The following CDKAL1 variants were observed in gnomAD, a reference collection of about 807,000 sequenced individuals.
CDKAL1 encodes the protein CDKAL1 threonylcarbamoyladenosine tRNA methylthiotransferase, also known as threonylcarbamoyladenosine tRNA methylthiotransferase.
CDKAL1 carries 32 observed loss-of-function variants against 68.2 expected under a neutral mutation model. The ratio of observed to expected loss-of-function variants is 0.47; its 90% confidence interval spans 0.35 to 0.63. The LOEUF is 0.63. Ranked by LOEUF, CDKAL1 falls within the 30% of genes least tolerant of loss-of-function variation. CDKAL1 has a pLI of 0.00. For missense variants in CDKAL1, 606 were observed against 696.7 expected, an observed-to-expected ratio of 0.87 and a Z score of 1.47; for synonymous variants, 234 against 244.3, an observed-to-expected ratio of 0.96 and a Z score of 0.39.
chr6:20,931,373 C>T (rs984839615), intron 9 of CDKAL1, among the ~76,000 whole-genome samples: 1 of 152,146 alleles, frequency 6.6e-6, no homozygotes, highest in Non-Finnish European at 1.5e-5. Context: ...TCCAGTGTCA[C>T]CATACAATTT....
chr6:21,153,731 A>C (rs1404966230), intron 13 of CDKAL1, among the ~76,000 whole-genome samples: 6 of 152,216 alleles, frequency 3.9e-5, no homozygotes, highest in Admixed American at 3.9e-4. Flanking sequence ...AAGGGTAATA[A>C]AAGAGAGGGA....
intron 13 of CDKAL1, among the ~76,000 whole-genome samples, chr6:21,145,415 T>G (rs1180995028): frequency 6.6e-6 from 1 of 152,160 alleles, no homozygotes; most frequent in Admixed American, 6.6e-5. Context: ...GTGAAACTGG[T>G]TAGCAACATC....
intron 11 of CDKAL1, among the ~76,000 whole-genome samples, chr6:21,015,397 C>A (rs1582032008): frequency 6.6e-6 from 1 of 152,136 alleles, no homozygotes; most frequent in Admixed American, 6.5e-5. Context: ...CAAGCATCGA[C>A]TTTTTTATAG....
chr6:21,163,868 T>C (rs1777029761), intron 13 of CDKAL1, among the ~76,000 whole-genome samples: 1 of 152,096 alleles, frequency 6.6e-6, no homozygotes, highest in South Asian at 2.1e-4. Flanking sequence ...GGAGAATCCC[T>C]TGAACCTGGG....
intron 15 of CDKAL1, among the ~76,000 whole-genome samples, chr6:21,218,281 T>TATGAA (rs1411243384): frequency 6.6e-6 from 1 of 152,238 alleles, no homozygotes; most frequent in Non-Finnish European, 1.5e-5. Context: ...ATGCCTCTGT[T>TATGAA]ATGAATCAGA....
At chr6:21,106,175 T>C (rs1773834737) in intron 12 of CDKAL1, among the ~76,000 whole-genome samples, 1 of 152,190 alleles carries the variant, frequency 6.6e-6, no homozygotes, top group Non-Finnish European at 1.5e-5. Context: ...GCAAAGAATA[T>C]GATTATATTA....
At position 20,875,257 on chromosome 6, in the gene CDKAL1, C is replaced by A. The variant is rs1023359652; in HGVS notation, c.742+29079C>A. ...GAGCTTGCAGTGAGCCGAGATTGCG[C>A]CACTGCAGTCCGCAGTCCGGCCTGG... On this transcript the variant is annotated intron_variant, in intron 9 of 15. Transcript: ENST00000274695. 2.1e-5 allele frequency among the ~76,000 whole-genome samples: 3 copies of A among 144,820 alleles called. No individual in the cohort carries two copies. The East Asian group carries it at 6.3e-4, about 30-fold the overall frequency.
intron 12 of CDKAL1, among the ~76,000 whole-genome samples, chr6:21,094,520 T>C (rs1230279297): frequency 6.6e-6 from 1 of 152,152 alleles, no homozygotes; most frequent in African/African-American, 2.4e-5. Context: ...CTCTCCAAGA[T>C]AGAATCTTAT....
intron 13 of CDKAL1, among the ~76,000 whole-genome samples, chr6:21,196,285 C>A (rs1206275556): frequency 6.6e-6 from 1 of 152,218 alleles, no homozygotes; most frequent in Non-Finnish European, 1.5e-5. Context: ...GCAACTCACA[C>A]TGTGAAATGT....
chr6:20,603,621 C>T (rs935345789), intron 4 of CDKAL1, among the ~76,000 whole-genome samples: 15 of 152,074 alleles, frequency 9.9e-5, no homozygotes, highest in Non-Finnish European at 1.6e-4. Flanking sequence ...ACTAAAGCCC[C>T]ACAAAAGACT....
At chr6:21,131,400 T>C (rs573934581) in intron 13 of CDKAL1, among the ~76,000 whole-genome samples, 40 of 152,266 alleles carry the variant, frequency 2.6e-4, no homozygotes, top group Non-Finnish European at 5.3e-4. Context: ...TAAAAAGATA[T>C]GTAGTTCTGT....
chr6:21,154,985 G>A (rs956979172), intron 13 of CDKAL1, among the ~76,000 whole-genome samples: 2 of 143,224 alleles, frequency 1.4e-5, no homozygotes, highest in South Asian at 2.2e-4. Context: ...GCGAGACTCC[G>A]TCCCCCACCC....
chr6:20,998,112 T>C (rs562235411), intron 10 of CDKAL1, among the ~76,000 whole-genome samples: 2 of 152,314 alleles, frequency 1.3e-5, no homozygotes, highest in Admixed American at 1.3e-4. Flanking sequence ...GCAATAGATA[T>C]GTCTAAAGCT....
intron 13 of CDKAL1, among the ~76,000 whole-genome samples, chr6:21,109,837 G>T (rs572525230): frequency 6.6e-6 from 1 of 152,202 alleles, no homozygotes; most frequent in Non-Finnish European, 1.5e-5. Flanking sequence ...CAAAAAAGGC[G>T]ATGGCAAATC....
chr6:21,119,189 T>G (rs570481134), intron 13 of CDKAL1, among the ~76,000 whole-genome samples: 102 of 152,280 alleles, frequency 6.7e-4, no homozygotes, highest in African/African-American at 2.4e-3. Flanking sequence ...TGGTTTACTT[T>G]CTGTTAGAAA....
intron 11 of CDKAL1, among the ~76,000 whole-genome samples, chr6:21,005,565 A>G (rs116464781): frequency 0.013 from 2,029 of 152,290 alleles, 55 homozygotes; most frequent in African/African-American, 0.045. Context: ...GGTAAATACA[A>G]TTTGAATGAA....
At chr6:20,862,602 T>C (rs1313655400) in intron 9 of CDKAL1, among the ~76,000 whole-genome samples, 1 of 152,146 alleles carries the variant, frequency 6.6e-6, no homozygotes, top group African/African-American at 2.4e-5. Flanking sequence ...GAAATGACTG[T>C]TGACATTCTT....
intron 9 of CDKAL1, among the ~76,000 whole-genome samples, chr6:20,901,110 AGAGAGGCCAG>A (rs763985060): frequency 6.0e-4 from 91 of 152,232 alleles, no homozygotes; most frequent in Admixed American, 1.9e-3. Context: ...GGTGAGAGAG[AGAGAGGCCAG>A]GAGAGGACAG....
intron 13 of CDKAL1, among the ~76,000 whole-genome samples, chr6:21,136,264 A>G (rs560434960): frequency 4.7e-4 from 72 of 152,352 alleles, no homozygotes; most frequent in African/African-American, 1.7e-3. Flanking sequence ...TAGTCTTTAT[A>G]TACAGTTTTT....
Sources: allele counts gnomAD v4.1 joint callset (sites outside exome capture counted in the v4.1 genomes callset), GRCh38; gene constraint gnomAD v4.1.1; transcripts MANE v1.5; gene names NCBI Gene and HGNC (gene_info 2026-07-23, HGNC 2026-07-21).